PCSK2: variants seen among roughly 807,000 people sequenced by gnomAD.
PCSK2 encodes neuroendocrine convertase 2.
PCSK2 carries 14 observed loss-of-function variants against 69.7 expected under a neutral mutation model. The ratio of observed to expected loss-of-function variants is 0.20; its 90% confidence interval spans 0.13 to 0.31. The LOEUF (loss-of-function observed/expected upper bound fraction) is 0.31. PCSK2 is among the 10% of genes least tolerant of loss of function. The probability of loss-of-function intolerance (pLI) is 1.00; values close to 1 mark genes in which losing one functional copy is unlikely to be tolerated. For missense variants in PCSK2, 544 were observed against 842.5 expected (o/e 0.65, Z 4.39); for synonymous variants, 307 against 320.7 (o/e 0.96, Z 0.46).
At chr20:17,397,639 C>T (rs1429607603) in intron 5 of PCSK2, among the ~76,000 whole-genome samples, 6 of 152,052 alleles carry the variant, frequency 3.9e-5, no homozygotes, top group Admixed American at 1.3e-4. Context: ...CCACCATGCC[C>T]AGCTGATTTT....
intron 5 of PCSK2, among the ~76,000 whole-genome samples, chr20:17,400,422 C>T (rs544360697): frequency 1.3e-5 from 2 of 152,148 alleles, no homozygotes; most frequent in Admixed American, 6.5e-5. Context: ...CTCTCTGTGC[C>T]TACACTGCCC....
In PCSK2 at chr20:17,360,087, A is replaced by C. The variant is rs147490116; in HGVS notation, c.397-445A>C. ...TAGGACATGTCATCTCCTGCAAAAG[A>C]TATTGTTATTTAGTAAGAAGTTATA... On this transcript the variant is annotated intron_variant, in intron 3 of 11. Coordinates refer to ENST00000262545, the MANE Select transcript of PCSK2 (RefSeq NM_002594.5). Among the ~76,000 whole-genome samples, 4 of 152,372 alleles carry C rather than the reference A, an allele frequency of 2.6e-5. No homozygotes were observed. The East Asian group carries it at 7.7e-4, about 29-fold the overall frequency.
chr20:17,440,503 A>T (rs1600582122), intron 8 of PCSK2, among the ~76,000 whole-genome samples: 1 of 152,310 alleles, frequency 6.6e-6, no homozygotes, highest in East Asian at 1.9e-4. Flanking sequence ...GCCACACGCC[A>T]TTTGTCTCTG....
chr20:17,350,304 T>G (rs1344253127), intron 2 of PCSK2, among the ~76,000 whole-genome samples: 1 of 151,404 alleles, frequency 6.6e-6, no homozygotes, highest in Admixed American at 6.6e-5. Context: ...AGAAATAATT[T>G]TACACAATCA....
chr20:17,339,506 T>TTTG (rs34828241), intron 2 of PCSK2, among the ~76,000 whole-genome samples: 24,871 of 151,942 alleles, frequency 0.16, 2,598 homozygotes, highest in East Asian at 0.5. Flanking sequence ...TTTGGTTGTT[T>TTTG]TTGTTGTTGT....
At chr20:17,303,487 TTA>T (rs1989195438) in intron 2 of PCSK2, among the ~76,000 whole-genome samples, 1 of 55,734 alleles carries the variant, frequency 1.8e-5, no homozygotes, top group African/African-American at 7.1e-5. Context: ...ATAATATATA[TTA>T]TATTTAATAT....
chr20:17,314,596 G>A (rs571366350), intron 2 of PCSK2, among the ~76,000 whole-genome samples: 108 of 152,336 alleles, frequency 7.1e-4, no homozygotes, highest in Non-Finnish European at 1.4e-3. Flanking sequence ...TGCCTAGCTT[G>A]TCTGTGAAAT....
At chr20:17,356,047 T>G (rs1056756918) in intron 2 of PCSK2, among the ~76,000 whole-genome samples, 1 of 152,204 alleles carries the variant, frequency 6.6e-6, no homozygotes, top group Non-Finnish European at 1.5e-5. Context: ...GATATACATG[T>G]GTGTGTGCAT....
rs139447729 is a variant in PCSK2, at chr20:17,407,174, T to C, written c.544-2089T>C. Among the ~76,000 whole-genome samples the C allele has an allele frequency of 1.2e-4, 18 of 152,210 alleles. No homozygotes were observed. In the East Asian group the frequency reaches 3.5e-3, roughly 30 times the overall value. Reference sequence around the variant, plus strand: ...AGATGCCTCACAGGGGCATTTCTGATCTGCAACACTATGTCCCTGTTGTGA... The same window carrying C: ...AGATGCCTCACAGGGGCATTTCTGACCTGCAACACTATGTCCCTGTTGTGA... On this transcript the variant is annotated intron_variant, in intron 5 of 11. Transcript: ENST00000262545.
chr20:17,372,432 A>T (rs187500011), intron 5 of PCSK2, among the ~76,000 whole-genome samples: 54 of 147,356 alleles, frequency 3.7e-4, no homozygotes, highest in East Asian at 3.4e-3. Context: ...AATAAATAAA[A>T]ATAAAAGATT....
rs775687454 is a variant in PCSK2 at position 17,358,410 on chromosome 20, C to A, written c.366C>A (p.Asn122Lys). 6 of 1,607,328 alleles carry A rather than the reference C, an allele frequency of 3.7e-6. No individual in the cohort carries two copies. Among genetic ancestry groups the A allele is most frequent in the Non-Finnish European group, 5.1e-6 (6 of 1,173,950 alleles). ...TCAATGAGATCGACATCAACATGAA[C>A]GATCCTCTTTTTACAAAGCAGTGGT... is the stretch of plus-strand genomic sequence containing the variant. ...RDINEIDINMNDPLFTKQWYL... is the reference protein window; with the variant it reads ...RDINEIDINMKDPLFTKQWYL... Residue 122 changes from asparagine to lysine, a missense_variant, in exon 3 of 12, where the codon AAC (asparagine) becomes AAA (lysine). Physicochemically the swap from Asn to Lys is moderately conservative, Grantham distance 94. Transcript: ENST00000262545.
intron 2 of PCSK2, among the ~76,000 whole-genome samples, chr20:17,330,967 C>T (rs1990191250): frequency 6.6e-6 from 1 of 152,184 alleles, no homozygotes. Flanking sequence ...TCAGATGCCC[C>T]CTTTATATCT....
intron 9 of PCSK2, among the ~76,000 whole-genome samples, chr20:17,455,193 G>A (rs908390135): frequency 2.0e-5 from 3 of 151,968 alleles, no homozygotes; most frequent in Admixed American, 6.6e-5. Flanking sequence ...CTTTCTACTT[G>A]GGCTGGCTAA....
intron 5 of PCSK2, among the ~76,000 whole-genome samples, chr20:17,384,440 A>AT (rs2031178328): frequency 2.0e-5 from 3 of 150,964 alleles, no homozygotes; most frequent in South Asian, 4.2e-4. Flanking sequence ...AAAAAAAAAA[A>AT]AAAAATACAA....
chr20:17,349,038 A>G lies in PCSK2; in HGVS notation c.283-9289A>G, dbSNP rs553102465. On this transcript the variant is annotated intron_variant, in intron 2 of 11. Transcript: ENST00000262545. ...ACCTCTCATGTGGTTGTCGGGGAAA[A>G]TAACTGAGATAATGTACATGAGTAC... 4.6e-5 allele frequency among the ~76,000 whole-genome samples: 7 copies of G among 152,260 alleles called. No individual in the cohort carries two copies. In the East Asian group the frequency reaches 1.4e-3, roughly 29 times the overall value.
At chr20:17,337,859 G>A (rs1157743484) in intron 2 of PCSK2, among the ~76,000 whole-genome samples, 2 of 149,852 alleles carry the variant, frequency 1.3e-5, no homozygotes, top group Non-Finnish European at 3.0e-5. Context: ...AGCCTGGGAG[G>A]TTGAAGCTGC....
chr20:17,456,252 A>ACG (rs1568657971), intron 9 of PCSK2, 96 bp from the exon 10 acceptor site: 11 of 701,184 alleles, frequency 1.6e-5, no homozygotes, highest in Non-Finnish European at 2.8e-5. Flanking sequence ...AAATAAATGA[A>ACG]TAAATAAAAG....
intron 11 of PCSK2, among the ~76,000 whole-genome samples, chr20:17,466,167 A>G (rs1397101055): frequency 1.3e-5 from 2 of 152,064 alleles, no homozygotes; most frequent in Non-Finnish European, 2.9e-5. Flanking sequence ...AACATGACTA[A>G]CACCCCCAAA....
At chr20:17,384,890 T>C (rs1263445089) in intron 5 of PCSK2, among the ~76,000 whole-genome samples, 1 of 152,078 alleles carries the variant, frequency 6.6e-6, no homozygotes, top group Non-Finnish European at 1.5e-5. Context: ...ATCACACCAC[T>C]GCACTCCAGC....
Sources: allele counts gnomAD v4.1 joint callset (sites outside exome capture counted in the v4.1 genomes callset), GRCh38; gene constraint gnomAD v4.1.1; transcripts MANE v1.5; gene names NCBI Gene and HGNC (gene_info 2026-07-23, HGNC 2026-07-21).